Variants in DLG2 observed in about 807,000 individuals in gnomAD.
DLG2 encodes the protein disks large homolog 2.
A neutral mutation model predicts 132.5 loss-of-function variants in DLG2; 45 were observed. The ratio of observed to expected loss-of-function variants is 0.34; its 90% CI spans 0.27 to 0.44. The LOEUF (loss-of-function observed/expected upper bound fraction) is 0.44, where lower values mean the gene tolerates loss of function less well. DLG2 is among the 20% of genes least tolerant of loss of function. The probability of loss-of-function intolerance (pLI) is 1.00; values close to 1 mark genes in which losing one functional copy is unlikely to be tolerated. For missense variants in DLG2, 1,045 were observed against 1,196.9 expected, an observed-to-expected ratio of 0.87 and a Z score of 1.87; for synonymous variants, 424 against 419.6, an observed-to-expected ratio of 1.01 and a Z score of -0.13.
chr11:85,614,194 C>T (rs2081191087), intron 2 of DLG2, among the ~76,000 whole-genome samples: 2 of 152,134 alleles, frequency 1.3e-5, no homozygotes, highest in African/African-American at 2.4e-5. Flanking sequence ...AAGTATTTTA[C>T]TAAGAAGTAT....
At chr11:84,262,723 T>C (rs1211221713) in intron 7 of DLG2, among the ~76,000 whole-genome samples, 1 of 152,122 alleles carries the variant, frequency 6.6e-6, no homozygotes. Flanking sequence ...GCAACATTCT[T>C]AGGCCTTTGC....
intron 4 of DLG2, among the ~76,000 whole-genome samples, chr11:85,163,495 T>G (rs1176979512): frequency 6.6e-6 from 1 of 152,150 alleles, no homozygotes; most frequent in African/African-American, 2.4e-5. Context: ...GAAGGCTTCC[T>G]GAAAGATGTA....
At chr11:83,997,163 A>C (rs1439781741) in intron 11 of DLG2, among the ~76,000 whole-genome samples, 2 of 152,124 alleles carry the variant, frequency 1.3e-5, no homozygotes, top group Non-Finnish European at 2.9e-5. Context: ...AAAGGGGTGA[A>C]AAACTATTAT....
intron 6 of DLG2, among the ~76,000 whole-genome samples, chr11:84,897,310 T>C (rs1174136047): frequency 6.6e-6 from 1 of 151,932 alleles, no homozygotes; most frequent in Non-Finnish European, 1.5e-5. Flanking sequence ...TCCATTGTAT[T>C]AATAAGTCAC....
At chr11:85,544,862 T>G (rs1355161747) in intron 3 of DLG2, among the ~76,000 whole-genome samples, 1 of 152,182 alleles carries the variant, frequency 6.6e-6, no homozygotes, top group Non-Finnish European at 1.5e-5. Context: ...TTTGCTGAAG[T>G]TGGTTATCAG....
intron 6 of DLG2, among the ~76,000 whole-genome samples, chr11:84,632,512 A>T (rs2099633785): frequency 6.6e-6 from 1 of 152,212 alleles, no homozygotes; most frequent in Non-Finnish European, 1.5e-5. Context: ...TGCAACATGT[A>T]AATTTGATCC....
intron 4 of DLG2, among the ~76,000 whole-genome samples, chr11:85,279,524 C>A (rs2078103964): frequency 6.6e-6 from 1 of 152,002 alleles, no homozygotes; most frequent in South Asian, 2.1e-4. Context: ...CTCACTTCTC[C>A]TTTAAGGTTC....
chr11:84,297,423 C>T (rs1044545859), intron 7 of DLG2, among the ~76,000 whole-genome samples: 4 of 152,062 alleles, frequency 2.6e-5, no homozygotes. Context: ...CTTTATTTTT[C>T]TTATCTTCTC....
chr11:84,259,958 A>G (rs906858157), intron 7 of DLG2, among the ~76,000 whole-genome samples: 11 of 152,194 alleles, frequency 7.2e-5, no homozygotes, highest in African/African-American at 2.7e-4. Context: ...TGTTCTAGTC[A>G]ACACAATTTG....
At chr11:84,783,353 T>A (rs1323591018) in intron 6 of DLG2, among the ~76,000 whole-genome samples, 1 of 152,190 alleles carries the variant, frequency 6.6e-6, no homozygotes, top group East Asian at 1.9e-4. Context: ...TCTGACACTG[T>A]CTGACTCCAT....
chr11:84,419,168 C>CAG (rs10597167), intron 7 of DLG2, among the ~76,000 whole-genome samples: 6 of 150,866 alleles, frequency 4.0e-5, no homozygotes, highest in Admixed American at 6.6e-5. Flanking sequence ...GGGAGACAGG[C>CAG]AGAGAGAGAG....
chr11:84,244,358 C>G (rs1598272121), intron 8 of DLG2, among the ~76,000 whole-genome samples: 1 of 151,950 alleles, frequency 6.6e-6, no homozygotes, highest in Non-Finnish European at 1.5e-5. Flanking sequence ...TAATTTTTTT[C>G]TATTTTTAGT....
chr11:85,354,261 T>C (rs1330065374), intron 3 of DLG2, among the ~76,000 whole-genome samples: 3 of 152,140 alleles, frequency 2.0e-5, no homozygotes, highest in African/African-American at 7.2e-5. Flanking sequence ...AACGTAAAAA[T>C]TGATATAAAT....
chr11:83,481,093 G>A (rs1351957471), intron 22 of DLG2, among the ~76,000 whole-genome samples: 1 of 152,064 alleles, frequency 6.6e-6, no homozygotes, highest in Admixed American at 6.6e-5. Flanking sequence ...GATAGCTATT[G>A]AATACTAGTG....
chr11:83,871,632 C>CTCTGTGCTCAGTCATAATGAT (rs751437557), intron 16 of DLG2, among the ~76,000 whole-genome samples: 1 of 42,806 alleles, frequency 2.3e-5, no homozygotes, highest in South Asian at 7.2e-4. Flanking sequence ...AACTTTCCCA[C>CTCTGTGCTCAGTCATAATGAT]TATGTGCACG....
rs1490403969 is a variant in DLG2, at chr11:84,136,605, T to C, written c.624+26856A>G. Among the ~76,000 whole-genome samples, 5 of 152,200 alleles carry C rather than the reference T, an allele frequency of 3.3e-5. No individual in the cohort carries two copies. The South Asian group carries it at 6.2e-4, about 19-fold the overall frequency. ...ATGTAACATGTTAATAGTAAGTACATGAGACAAAAAGATGAACAGGACGTG... is the reference window on the plus strand; with the variant it reads ...ATGTAACATGTTAATAGTAAGTACACGAGACAAAAAGATGAACAGGACGTG... On this transcript the variant is annotated intron_variant, in intron 9 of 27. Transcript: ENST00000376104.
intron 6 of DLG2, among the ~76,000 whole-genome samples, chr11:84,725,188 A>C (rs2062288094): frequency 6.6e-6 from 1 of 152,168 alleles, no homozygotes; most frequent in Admixed American, 6.6e-5. Context: ...CAAATAGACT[A>C]TCCCAGCTAT....
chr11:84,774,754 C>G (rs2070128796), intron 6 of DLG2, among the ~76,000 whole-genome samples: 1 of 152,038 alleles, frequency 6.6e-6, no homozygotes, highest in South Asian at 2.1e-4. Context: ...GAAGAATAAA[C>G]CTGGACCCCT....
At chr11:83,672,261 C>T (rs1021657007) in intron 18 of DLG2, among the ~76,000 whole-genome samples, 3 of 151,938 alleles carry the variant, frequency 2.0e-5, no homozygotes, top group African/African-American at 4.8e-5. Context: ...CTCAGCTCAC[C>T]GCAACCTCTG....
Sources: gnomAD v4.1 joint callset for allele counts (sites outside exome capture counted in the v4.1 genomes callset) on GRCh38, gnomAD v4.1.1 for gene constraint, MANE v1.5 for transcripts, NCBI Gene and HGNC (gene_info 2026-07-23, HGNC 2026-07-21) for gene names.